HLCS: variants seen among roughly 807,000 people sequenced by gnomAD.
HLCS encodes the protein biotin--protein ligase.
A neutral mutation model predicts 75.0 loss-of-function variants in HLCS; 53 were observed. The ratio of observed to expected loss-of-function variants is 0.71; its 90% CI spans 0.57 to 0.89. The LOEUF (loss-of-function observed/expected upper bound fraction) is 0.89, where lower values mean the gene tolerates loss of function less well. Among genes scored for constraint, HLCS ranks in the 40% least tolerant of loss-of-function variants. The pLI is 0.00. For synonymous variants in HLCS, 431 were observed against 428.6 expected, an observed-to-expected ratio of 1.01 and a Z score of -0.07; for missense variants, 966 against 1,074.0, an observed-to-expected ratio of 0.90 and a Z score of 1.41.
chr21:36,861,275 C>T (rs908668151), intron 6 of HLCS, among the ~76,000 whole-genome samples: 3 of 152,186 alleles, frequency 2.0e-5, no homozygotes, highest in African/African-American at 7.2e-5. Flanking sequence ...AAGAGACTGC[C>T]CTTTGCCCAG....
intron 1 of HLCS, chr21:36,990,029 C>T (rs1601083100): frequency 1.3e-5 from 2 of 152,368 alleles, no homozygotes; most frequent in Non-Finnish European, 1.5e-5. Flanking sequence ...GCTGCAGCCC[C>T]GAGGCCTCGA....
intron 6 of HLCS, among the ~76,000 whole-genome samples, chr21:36,787,954 C>A (rs1484644675): frequency 2.0e-5 from 3 of 152,184 alleles, no homozygotes; most frequent in African/African-American, 4.8e-5. Context: ...GGAGACGCTG[C>A]AGCTTGGTTC....
intron 6 of HLCS, among the ~76,000 whole-genome samples, chr21:36,884,955 C>G (rs1220193519): frequency 2.6e-5 from 4 of 152,026 alleles, no homozygotes; most frequent in Non-Finnish European, 5.9e-5. Flanking sequence ...AGATTTGGCT[C>G]TTTTGAAATG....
At chr21:36,928,388 G>A (rs2066495746) in intron 5 of HLCS, among the ~76,000 whole-genome samples, 1 of 152,050 alleles carries the variant, frequency 6.6e-6, no homozygotes, top group Admixed American at 6.5e-5. Flanking sequence ...GGGCAACATG[G>A]CGAAACCCTG....
intron 2 of HLCS, among the ~76,000 whole-genome samples, chr21:36,951,046 T>C (rs141942618): frequency 2.6e-5 from 4 of 152,336 alleles, no homozygotes; most frequent in Admixed American, 2.0e-4. Context: ...TTCCATTCCA[T>C]AGGCACCTGA....
intron 6 of HLCS, among the ~76,000 whole-genome samples, chr21:36,778,031 C>G (rs901655624): frequency 2.0e-5 from 3 of 152,094 alleles, no homozygotes; most frequent in East Asian, 1.9e-4. Context: ...TGCAGTGGCA[C>G]GATCTCAGCT....
intron 2 of HLCS, among the ~76,000 whole-genome samples, chr21:36,959,281 C>T (rs1374087314): frequency 6.6e-6 from 1 of 152,230 alleles, no homozygotes; most frequent in Non-Finnish European, 1.5e-5. Context: ...GGGTGCTGCT[C>T]AGGATGGCGC....
intron 5 of HLCS, among the ~76,000 whole-genome samples, chr21:36,927,073 GT>G (rs2066441784): frequency 6.6e-6 from 1 of 152,180 alleles, no homozygotes; most frequent in Admixed American, 6.5e-5. Flanking sequence ...AGATAGGTGT[GT>G]GGTAAACGTG....
At chr21:36,832,788 A>C (rs2062258353) in intron 6 of HLCS, among the ~76,000 whole-genome samples, 1 of 152,170 alleles carries the variant, frequency 6.6e-6, no homozygotes, top group Non-Finnish European at 1.5e-5. Context: ...GAGTCAGTAA[A>C]ATGTGTCCTT....
chr21:36,807,730 C>G (rs743429), intron 6 of HLCS, among the ~76,000 whole-genome samples: 1,875 of 152,266 alleles, frequency 0.012, 33 homozygotes, highest in African/African-American at 0.042. Flanking sequence ...TCTGTGGATC[C>G]GGCTGGACGC....
In HLCS at chr21:36,785,362, G is replaced by C. The variant is rs571568046; in HGVS notation, c.1893-18077C>G. 2.0e-5 allele frequency among the ~76,000 whole-genome samples: 3 copies of C among 152,168 alleles called. No individual in the cohort carries two copies. The South Asian group carries it at 6.2e-4, about 32-fold the overall frequency. ...TTTATGGCCCCCGTGAACGAAACCT[G>C]GTTCGGAATCCAATTCTACAACAGA... On this transcript the variant is annotated intron_variant, in intron 6 of 10. Transcript: ENST00000674895.
chr21:36,990,143 AGCGCCCCGACTTACTTCTGAGGCC>A lies in HLCS; in HGVS notation c.-402_-393+14del, dbSNP rs2069323761. On this transcript the variant is annotated splice_donor_variant and splice_donor_5th_base_variant and 5_prime_UTR_variant and intron_variant, in exon 1 of 12. Coordinates refer to the HLCS transcript ENST00000336648. LOFTEE classifies it low-confidence loss of function (5UTR_SPLICE). ...AACGCCCACCCCTGTCCCGGCCCGC[AGCGCCCCGACTTACTTCTGAGGCC>A]GAAACGCGGCCGCTCCTGCGCCGGG... The A allele has an allele frequency of 6.6e-6, 1 of 152,156 alleles. No individual in the cohort carries two copies. The highest frequency in any genetic ancestry group is 1.5e-5 in the Non-Finnish European group (1 of 68,090). The allele number at this position is 152,156 out of a possible 1,614,324, so 9.4% of individuals were successfully genotyped here.
At chr21:36,988,095 T>C (rs1372869048) in intron 1 of HLCS, among the ~76,000 whole-genome samples, 3 of 152,202 alleles carry the variant, frequency 2.0e-5, no homozygotes, top group African/African-American at 7.2e-5. Context: ...TACTAAAACA[T>C]TAACATGTTT....
intron 6 of HLCS, among the ~76,000 whole-genome samples, chr21:36,861,546 C>T (rs550483867): frequency 3.5e-4 from 54 of 152,272 alleles, no homozygotes; most frequent in Middle Eastern, 3.4e-3. Context: ...CCTCCTTTCA[C>T]CCTCTACCCT....
At chr21:36,851,688 T>C (rs2063012787) in intron 6 of HLCS, among the ~76,000 whole-genome samples, 1 of 152,230 alleles carries the variant, frequency 6.6e-6, no homozygotes, top group African/African-American at 2.4e-5. Flanking sequence ...TTGGATTGTT[T>C]GTAACACAAA....
chr21:36,942,264 C>T (rs1194666559), intron 2 of HLCS, among the ~76,000 whole-genome samples: 1 of 151,896 alleles, frequency 6.6e-6, no homozygotes, highest in Non-Finnish European at 1.5e-5. Flanking sequence ...GCGTTAAAGA[C>T]CTCTTTTAGA....
intron 6 of HLCS, among the ~76,000 whole-genome samples, chr21:36,797,370 T>C (rs553107852): frequency 5.3e-5 from 8 of 151,608 alleles, no homozygotes; most frequent in Non-Finnish European, 1.0e-4. Context: ...ATTTTATAAA[T>C]ATTATTAGAA....
intron 2 of HLCS, chr21:36,947,598 T>C: frequency 3.0e-6 from 3 of 985,430 alleles, no homozygotes; most frequent in Non-Finnish European, 3.6e-6. Context: ...TGGCTGTCCC[T>C]AAACAAAGGA....
At chr21:36,797,625 T>C (rs1018344587) in intron 6 of HLCS, among the ~76,000 whole-genome samples, 34 of 152,312 alleles carry the variant, frequency 2.2e-4, no homozygotes, top group African/African-American at 7.2e-4. Flanking sequence ...ATTAAATGCA[T>C]CTGCACTTAT....
Sources: gnomAD v4.1 joint callset for allele counts (sites outside exome capture counted in the v4.1 genomes callset) on GRCh38, gnomAD v4.1.1 for gene constraint, MANE v1.5 for transcripts, NCBI Gene and HGNC (gene_info 2026-07-23, HGNC 2026-07-21) for gene names.